The following MAPKAPK5 variants were observed in gnomAD, a reference collection of about 807,000 sequenced individuals.
MAPKAPK5 encodes the protein MAPK activated protein kinase 5, also known as MAP kinase-activated protein kinase 5.
A neutral mutation model predicts 65.1 loss-of-function variants in MAPKAPK5; 30 were observed. That is an observed-to-expected ratio of 0.46 (90% CI 0.34 to 0.63). The LOEUF is 0.63. Among genes scored for constraint, MAPKAPK5 ranks in the 20% least tolerant of loss-of-function variants. The pLI is 0.01. For synonymous variants in MAPKAPK5, 179 were observed against 204.6 expected (o/e 0.87, Z 1.07); for missense variants, 433 against 581.4 (o/e 0.74, Z 2.63).
intron 1 of MAPKAPK5, among the ~76,000 whole-genome samples, chr12:111,851,518 G>T (rs1473319301): frequency 6.6e-6 from 1 of 151,726 alleles, no homozygotes; most frequent in Non-Finnish European, 1.5e-5. Context: ...GAGAGATGAG[G>T]TTTCACCATT....
intron 10 of MAPKAPK5, among the ~76,000 whole-genome samples, chr12:111,886,296 A>G (rs1331506289): frequency 6.6e-6 from 1 of 152,254 alleles, no homozygotes; most frequent in Non-Finnish European, 1.5e-5. Context: ...CTGCGGGCAC[A>G]GAACAGTTTA....
intron 1 of MAPKAPK5, among the ~76,000 whole-genome samples, chr12:111,843,660 C>T (rs1158686179): frequency 1.3e-5 from 2 of 152,194 alleles, no homozygotes; most frequent in African/African-American, 4.8e-5. Context: ...CCCTTCAAGA[C>T]AGTTACTAGT....
intron 1 of MAPKAPK5, among the ~76,000 whole-genome samples, chr12:111,860,853 C>G (rs1168903806): frequency 2.0e-5 from 3 of 151,782 alleles, no homozygotes; most frequent in African/African-American, 7.2e-5. Context: ...ACAAGAATTT[C>G]TATGCCTGTA....
chr12:111,900,782 A>C lies in MAPKAPK5; in HGVS notation c.*7721A>C, dbSNP rs1397321676. The C allele has an allele frequency of 2.2e-6, 1 of 456,014 alleles. No individual in the cohort carries two copies. The highest frequency in any genetic ancestry group is 4.4e-6 in the Non-Finnish European group (1 of 226,820). The allele number at this position is 456,014 out of a possible 1,614,324, so 28.2% of individuals were successfully genotyped here. ...ATCTCCCAGAATTTTGCAATGGTAC[A>C]TCTGCATTATGCCCCAACAACAGGC... On this transcript the variant is annotated 3_prime_UTR_variant, in exon 14 of 14. Coordinates refer to ENST00000550735, the MANE Select transcript of MAPKAPK5 (RefSeq NM_003668.4).
chr12:111,886,168 T>A, intron 10 of MAPKAPK5, 132 bp downstream of exon 10: 1 of 1,315,586 alleles, frequency 7.6e-7, no homozygotes, highest in Non-Finnish European at 1.0e-6. Flanking sequence ...ATCTCTGGTT[T>A]CCTGAGAGTC....
intron 1 of MAPKAPK5, among the ~76,000 whole-genome samples, chr12:111,847,181 A>T (rs777358608): frequency 8.6e-5 from 13 of 151,036 alleles, no homozygotes; most frequent in Non-Finnish European, 1.6e-4. Context: ...CATCTCTACT[A>T]AAAAAAACAA....
intron 9 of MAPKAPK5, 158 bp from the exon 10 acceptor site, chr12:111,885,758 T>A: frequency 1.3e-6 from 1 of 783,846 alleles, no homozygotes; most frequent in South Asian, 1.9e-5. Flanking sequence ...CCCCTACAAG[T>A]GGTTGGAGAC....
At chr12:111,848,449 A>G (rs2068969847) in intron 1 of MAPKAPK5, among the ~76,000 whole-genome samples, 1 of 134,090 alleles carries the variant, frequency 7.5e-6, no homozygotes, top group Admixed American at 8.4e-5. Context: ...AGTCTTGCTC[A>G]GTCGCCCAGG....
At chr12:111,851,013 C>A (rs926314224) in intron 1 of MAPKAPK5, among the ~76,000 whole-genome samples, 7 of 151,858 alleles carry the variant, frequency 4.6e-5, no homozygotes, top group Non-Finnish European at 7.4e-5. Context: ...ATTCTCCTGC[C>A]TCAGCCTCCC....
Position 111,842,769 on chromosome 12 carries a change from G to A in MAPKAPK5, c.36G>A (p.Lys12=), listed in dbSNP as rs1469037262. 7.5e-7 allele frequency: 1 copy of A among 1,331,906 alleles called. No individual in the cohort carries two copies. The highest frequency in any genetic ancestry group is 9.7e-7 in the Non-Finnish European group (1 of 1,032,760). The allele number at this position is 1,331,906 out of a possible 1,614,324, so 82.5% of individuals were successfully genotyped here. ...SEESDMDKAI[K]ETSILEEYSI... ...AGAGCGACATGGACAAAGCCATCAAGGTAAGGGGGAGGTGCCCCCTCTTCC... is the reference window on the plus strand; with the variant it reads ...AGAGCGACATGGACAAAGCCATCAAAGTAAGGGGGAGGTGCCCCCTCTTCC... Residue 12 remains lysine, a splice_region_variant and synonymous_variant, in exon 1 of 14, where the codon AAG becomes AAA. Coordinates refer to ENST00000550735, the MANE Select transcript of MAPKAPK5 (RefSeq NM_003668.4).
chr12:111,874,206 C>G (rs2069877347), intron 7 of MAPKAPK5, among the ~76,000 whole-genome samples: 1 of 151,834 alleles, frequency 6.6e-6, no homozygotes, highest in Non-Finnish European at 1.5e-5. Context: ...ACCAGCCTGG[C>G]TGCCATGGTG....
chr12:111,845,010 ATAGG>A (rs1205881065), intron 1 of MAPKAPK5, among the ~76,000 whole-genome samples: 5 of 152,244 alleles, frequency 3.3e-5, no homozygotes, highest in African/African-American at 1.2e-4. Flanking sequence ...AAGGGGAACT[ATAGG>A]AGAGTTTTGA....
chr12:111,852,775 A>C (rs2069123994), intron 1 of MAPKAPK5, among the ~76,000 whole-genome samples: 1 of 151,864 alleles, frequency 6.6e-6, no homozygotes, highest in Admixed American at 6.6e-5. Flanking sequence ...CTTTTGATAA[A>C]TTTATTCTTT....
intron 1 of MAPKAPK5, among the ~76,000 whole-genome samples, chr12:111,850,125 T>G (rs1312582680): frequency 6.6e-6 from 1 of 151,948 alleles, no homozygotes; most frequent in Admixed American, 6.6e-5. Flanking sequence ...GCCTCCCAGG[T>G]TCAAGCAGTT....
chr12:111,863,740 G>A (rs1328593603), intron 1 of MAPKAPK5, among the ~76,000 whole-genome samples: 1 of 151,818 alleles, frequency 6.6e-6, no homozygotes, highest in Admixed American at 6.6e-5. Flanking sequence ...CTGAGTAGCT[G>A]GGATTACAGG....
At chr12:111,884,210 G>A (rs566818388) in intron 9 of MAPKAPK5, among the ~76,000 whole-genome samples, 23 of 152,158 alleles carry the variant, frequency 1.5e-4, no homozygotes, top group Admixed American at 4.6e-4. Context: ...CCACCTTCGC[G>A]CTGCCAGTTG....
chr12:111,865,467 T>C, intron 2 of MAPKAPK5, 144 bp downstream of exon 2: 2 of 638,920 alleles, frequency 3.1e-6, no homozygotes, highest in Non-Finnish European at 5.5e-6. Flanking sequence ...CAGGTTTTTA[T>C]GTTAGGCTTT....
intron 5 of MAPKAPK5, among the ~76,000 whole-genome samples, chr12:111,869,570 T>A (rs947261374): frequency 3.9e-5 from 6 of 152,190 alleles, no homozygotes; most frequent in Admixed American, 3.9e-4. Flanking sequence ...CCTTAAGCAA[T>A]TTTGGATGCC....
At chr12:111,875,781 A>G (rs76653545) in intron 7 of MAPKAPK5, among the ~76,000 whole-genome samples, 93 of 152,272 alleles carry the variant, frequency 6.1e-4, no homozygotes, top group East Asian at 1.9e-3. Flanking sequence ...CCCAAATGGC[A>G]TGTGATATCA....
Sources: allele counts gnomAD v4.1 joint callset (sites outside exome capture counted in the v4.1 genomes callset), GRCh38; gene constraint gnomAD v4.1.1; transcripts MANE v1.5; gene names NCBI Gene and HGNC (gene_info 2026-07-23, HGNC 2026-07-21).